Variants in GCSAML observed in about 807,000 individuals in gnomAD.
GCSAML encodes germinal center associated signaling and motility like.
In GCSAML, 9 loss-of-function variants were observed where a neutral mutation model predicts 13.0. The observed-to-expected ratio is 0.69, with a 90% CI of 0.42 to 1.21. The LOEUF is 1.21. GCSAML is among the 50% of genes most tolerant of loss of function. GCSAML has a pLI of 0.00. For missense variants in GCSAML, 143 were observed against 153.4 expected (o/e 0.93, Z 0.36); for synonymous variants, 37 against 52.9 (o/e 0.70, Z 1.31).
At chr1:247,514,309 G>A (rs151300598) in intron 1 of GCSAML, among the ~76,000 whole-genome samples, 59 of 152,200 alleles carry the variant, frequency 3.9e-4, no homozygotes, top group African/African-American at 1.2e-3. Context: ...TTGTCTATTC[G>A]TGTCTTTAGC....
At chr1:247,557,261 C>T (rs1667987958) in intron 2 of GCSAML, among the ~76,000 whole-genome samples, 1 of 152,044 alleles carries the variant, frequency 6.6e-6, no homozygotes, top group African/African-American at 2.4e-5. Flanking sequence ...CTTTATAGTC[C>T]ACTTCCTTCA....
At chr1:247,522,310 ACCTG>A (rs1558236622) in intron 1 of GCSAML, among the ~76,000 whole-genome samples, 37 of 118,220 alleles carry the variant, frequency 3.1e-4, no homozygotes, top group African/African-American at 6.0e-4. Context: ...GGGCGCCTCC[ACCTG>A]GCCGCCGCCC....
chr1:247,569,112 C>T lies in GCSAML; in HGVS notation c.168+3153C>T, dbSNP rs141893150. Reference sequence around the variant, plus strand: ...AGGTTAAGGAGTTTTTGGGCTGAGACGATGTGATTTTCTAAACATACAATC... The same window carrying T: ...AGGTTAAGGAGTTTTTGGGCTGAGATGATGTGATTTTCTAAACATACAATC... On this transcript the variant is annotated intron_variant, in intron 4 of 4. Coordinates refer to ENST00000366488, the MANE Select transcript of GCSAML (RefSeq NM_145278.5). Among the ~76,000 whole-genome samples the T allele has an allele frequency of 9.2e-3, 1,400 of 152,218 alleles. 23 individuals are homozygous for T. The highest frequency in any genetic ancestry group is 0.032 in the African/African-American group (1,336 of 41,532).
chr1:247,573,063 C>T (rs1668685857), intron 4 of GCSAML, among the ~76,000 whole-genome samples: 1 of 152,238 alleles, frequency 6.6e-6, no homozygotes, highest in Non-Finnish European at 1.5e-5. Flanking sequence ...GACTGCTGTG[C>T]TGGCAGCAAG....
intron 3 of GCSAML, among the ~76,000 whole-genome samples, chr1:247,564,227 C>G (rs979772647): frequency 6.6e-6 from 1 of 152,186 alleles, no homozygotes; most frequent in African/African-American, 2.4e-5. Flanking sequence ...CCACCATGCC[C>G]GGCCCCTAAA....
At chr1:247,559,598 A>G (rs1363319429) in intron 2 of GCSAML, among the ~76,000 whole-genome samples, 1 of 152,170 alleles carries the variant, frequency 6.6e-6, no homozygotes, top group Non-Finnish European at 1.5e-5. Flanking sequence ...AGTATTGCCT[A>G]GTCTAGTTCC....
At chr1:247,532,904 A>G (rs1352911750) in intron 2 of GCSAML, among the ~76,000 whole-genome samples, 1 of 152,188 alleles carries the variant, frequency 6.6e-6, no homozygotes, top group Admixed American at 6.5e-5. Flanking sequence ...GGGAAAATGG[A>G]CATTCATGCA....
chr1:247,540,572 T>C (rs537176804), intron 2 of GCSAML, among the ~76,000 whole-genome samples: 2 of 152,376 alleles, frequency 1.3e-5, no homozygotes, highest in Admixed American at 6.5e-5. Flanking sequence ...TCTACTTTGT[T>C]TCTTCTGCAT....
At chr1:247,513,124 C>T (rs567235459) in intron 1 of GCSAML, among the ~76,000 whole-genome samples, 1 of 152,324 alleles carries the variant, frequency 6.6e-6, no homozygotes, top group South Asian at 2.1e-4. Flanking sequence ...CCCCTTCCCC[C>T]AGGTGCTCTG....
At chr1:247,565,629 G>T in intron 3 of GCSAML, 1 of 288,156 alleles carries the variant, frequency 3.5e-6, no homozygotes, top group South Asian at 1.1e-4. Flanking sequence ...GCACATTTAT[G>T]AACATTTTAT....
At chr1:247,531,277 C>A in intron 2 of GCSAML, 1 of 445,178 alleles carries the variant, frequency 2.2e-6, no homozygotes. Flanking sequence ...AACAGCTGAA[C>A]AACAACGCAA....
chr1:247,516,969 A>G (rs1296049755), intron 1 of GCSAML, among the ~76,000 whole-genome samples: 1 of 152,214 alleles, frequency 6.6e-6, no homozygotes, highest in African/African-American at 2.4e-5. Context: ...AGTGCAGGTC[A>G]TAAGACATAC....
chr1:247,547,835 C>T (rs1437945253), upstream of GCSAML, among the ~76,000 whole-genome samples: 1 of 152,098 alleles, frequency 6.6e-6, no homozygotes, highest in Non-Finnish European at 1.5e-5. Context: ...TAACAGGATC[C>T]TCGGGTGATT....
Position 247,514,151 on chromosome 1 carries a change from TTG to T in GCSAML, c.-263+6922_-263+6923del, listed in dbSNP as rs1323173470. On this transcript the variant is annotated intron_variant, in intron 1 of 5. Transcript: ENST00000366489. ...ATGCACCACCATGCCCAGCTAATTTTTGTGTTTTTCGTAGGGATAGGGTTTCA... is the reference window on the plus strand; with the variant it reads ...ATGCACCACCATGCCCAGCTAATTTTTGTTTTTCGTAGGGATAGGGTTTCA... Among the ~76,000 whole-genome samples, 3 of 152,164 alleles carry T rather than the reference TTG, an allele frequency of 2.0e-5. No homozygotes were observed. The East Asian group carries it at 5.8e-4, about 29-fold the overall frequency.
intron 1 of GCSAML, among the ~76,000 whole-genome samples, chr1:247,515,947 A>G (rs756436229): frequency 6.6e-5 from 10 of 152,198 alleles, no homozygotes; most frequent in Non-Finnish European, 1.3e-4. Context: ...TAGTTAGCTG[A>G]TAAGACTCTT....
At chr1:247,512,547 C>T (rs577774818) in intron 1 of GCSAML, among the ~76,000 whole-genome samples, 3 of 152,108 alleles carry the variant, frequency 2.0e-5, no homozygotes, top group African/African-American at 7.2e-5. Flanking sequence ...AGTTTTGTTC[C>T]CTTGCTGGTG....
At chr1:247,513,883 A>C (rs1205680919) in intron 1 of GCSAML, among the ~76,000 whole-genome samples, 1 of 152,068 alleles carries the variant, frequency 6.6e-6, no homozygotes, top group Non-Finnish European at 1.5e-5. Context: ...TGGGTACCTC[A>C]GTTGGAAATG....
chr1:247,519,670 ATGGTAGTGAGTCAG>A (rs1359615316), intron 1 of GCSAML, among the ~76,000 whole-genome samples: 2 of 152,256 alleles, frequency 1.3e-5, no homozygotes, highest in African/African-American at 4.8e-5. Context: ...AGGACTATGC[ATGGTAGTGAGTCAG>A]TTGTGTATAT....
intron 2 of GCSAML, among the ~76,000 whole-genome samples, chr1:247,560,279 G>T (rs1323124947): frequency 6.6e-6 from 1 of 152,200 alleles, no homozygotes; most frequent in Non-Finnish European, 1.5e-5. Flanking sequence ...TCCAAATGTG[G>T]TTGTGCAGTA....
Sources: gnomAD v4.1 joint callset for allele counts (sites outside exome capture counted in the v4.1 genomes callset) on GRCh38, gnomAD v4.1.1 for gene constraint, MANE v1.5 for transcripts, NCBI Gene and HGNC (gene_info 2026-07-23, HGNC 2026-07-21) for gene names.